Variants in HMGXB3 observed in about 807,000 individuals in gnomAD.
The protein encoded by HMGXB3 is HMG domain-containing protein 3.
Under a neutral mutation model 121.5 loss-of-function variants are expected in HMGXB3, and 45 were observed. The ratio of observed to expected loss-of-function variants is 0.37; its 90% CI spans 0.29 to 0.47. HMGXB3 has a LOEUF of 0.47. HMGXB3 is among the 20% of genes least tolerant of loss of function. The probability of loss-of-function intolerance (pLI) is 0.99; values close to 1 mark genes in which losing one functional copy is unlikely to be tolerated. For missense variants in HMGXB3, 1,376 were observed against 1,602.2 expected (o/e 0.86, Z 2.41); for synonymous variants, 590 against 624.1 (o/e 0.95, Z 0.81).
chr5:150,025,420 G>T (rs4705407), intron 7 of HMGXB3, among the ~76,000 whole-genome samples: 71,476 of 151,914 alleles, frequency 0.47, 20,072 homozygotes, highest in Non-Finnish European at 0.62. Context: ...TTTAACTTTG[G>T]CTGGCTTTTC....
intron 2 of HMGXB3, 107 bp downstream of exon 2, chr5:150,005,096 G>A (rs1755664966): frequency 5.7e-6 from 8 of 1,398,392 alleles, no homozygotes; most frequent in Middle Eastern, 2.6e-4. Flanking sequence ...TGTTATGATT[G>A]AAGTCCTGTG....
chr5:150,047,544 G>C (rs1460994046), intron 16 of HMGXB3, 80 bp from the exon 17 acceptor site: 13 of 1,516,390 alleles, frequency 8.6e-6, no homozygotes, highest in Non-Finnish European at 1.2e-5. Context: ...GGCTTCCACT[G>C]TTTGCTGTTT....
At chr5:150,048,449 G>A (rs534081303) in intron 17 of HMGXB3, 120 bp from the exon 18 acceptor site, 16 of 738,268 alleles carry the variant, frequency 2.2e-5, no homozygotes, top group East Asian at 2.7e-5. Context: ...TCCAAGGCCC[G>A]CTCTGACCCA....
chr5:150,027,804 C>T (rs373675816), intron 9 of HMGXB3, among the ~76,000 whole-genome samples: 8 of 152,202 alleles, frequency 5.3e-5, no homozygotes, highest in East Asian at 3.9e-4. Flanking sequence ...CCACCCACCT[C>T]GGCCTCCCAA....
intron 14 of HMGXB3, among the ~76,000 whole-genome samples, chr5:150,041,432 G>A (rs967662029): frequency 6.6e-6 from 1 of 152,204 alleles, no homozygotes; most frequent in African/African-American, 2.4e-5. Flanking sequence ...GTGTGATTTT[G>A]AGCAAGTTAT....
At chr5:150,006,205 A>T (rs1388885739) in intron 2 of HMGXB3, among the ~76,000 whole-genome samples, 1 of 152,206 alleles carries the variant, frequency 6.6e-6, no homozygotes, top group Non-Finnish European at 1.5e-5. Context: ...GCTATCAGTT[A>T]TAATCAGGAA....
chr5:150,006,775 C>T, intron 3 of HMGXB3, 128 bp downstream of exon 3: 1 of 785,676 alleles, frequency 1.3e-6, no homozygotes, highest in South Asian at 1.9e-5. Flanking sequence ...TCCTTCTTGA[C>T]TCTGGGCTTG....
Position 150,035,048 on chromosome 5 carries a change from C to T in HMGXB3, c.1984-1588C>T, listed in dbSNP as rs59927468. Among the ~76,000 whole-genome samples the T allele has an allele frequency of 4.6e-3, 697 of 152,304 alleles. 4 individuals are homozygous for T. Among genetic ancestry groups the T allele is most frequent in the African/African-American group, 0.016 (657 of 41,568 alleles). On this transcript the variant is annotated intron_variant, in intron 11 of 19. Transcript: ENST00000502717. ...GTGGCCCTTTCCCTTGAAGAGCTTA[C>T]AGTCTAGTGGGAGAGAAAGATAACC...
In HMGXB3 at chr5:150,003,608, A is replaced by T. The variant is rs571500030; in HGVS notation, c.-2-1243A>T. ...ATTATTTTTTAAATTATATAAAATT[A>T]AAAAAAAAACTTAATGAACTCTTCC... On this transcript the variant is annotated intron_variant, in intron 1 of 19. Coordinates refer to ENST00000502717, the MANE Select transcript of HMGXB3 (RefSeq NM_014983.3). Among the ~76,000 whole-genome samples the T allele has an allele frequency of 2.9e-3, 415 of 144,216 alleles. 2 individuals carry two copies. The highest frequency in any genetic ancestry group is 9.5e-3 in the African/African-American group (386 of 40,432). 94.6% of individuals were successfully genotyped at this position (144,216 alleles called of 152,430 possible).
rs1421957224 is a variant in HMGXB3 at position 150,024,293 on chromosome 5, C to T, written c.1073C>T (p.Ala358Val). The T allele has an allele frequency of 1.3e-6, 2 of 1,543,874 alleles. No individual in the cohort carries two copies. Among genetic ancestry groups the T allele is most frequent in the African/African-American group, 2.8e-5 (2 of 72,460 alleles). ...CCAGCCAAAGTAAAAGTGGAATTGG[C>T]TTCTGGCGTCTCTTCCAAAGGCTCT... Reference protein sequence around the residue: ...EKPAKVKVELASGVSSKGSVV... With the variant: ...EKPAKVKVELVSGVSSKGSVV... Residue 358 changes from alanine to valine, a missense_variant, in exon 7 of 20, where the codon GCT becomes GTT. Coordinates refer to ENST00000502717, the MANE Select transcript of HMGXB3 (RefSeq NM_014983.3).
chr5:150,040,028 C>T (rs80261177), intron 13 of HMGXB3, among the ~76,000 whole-genome samples: 4,593 of 152,228 alleles, frequency 0.03, 224 homozygotes, highest in African/African-American at 0.1. Flanking sequence ...CTTACACATT[C>T]ATGAGCTAAA....
chr5:150,008,954 A>G (rs1344800002), intron 3 of HMGXB3, among the ~76,000 whole-genome samples: 12 of 152,182 alleles, frequency 7.9e-5, no homozygotes, highest in Non-Finnish European at 1.8e-4. Context: ...TGCCTTAAGT[A>G]GTCTCATCGA....
rs748810731 is a variant in HMGXB3, at chr5:150,010,691, G to T, written c.810+83G>T. On this transcript the variant is annotated intron_variant, in intron 4 of 19. Coordinates refer to ENST00000502717, the MANE Select transcript of HMGXB3 (RefSeq NM_014983.3). ...TAGCACCATACAGTGTGATTCCAGA[G>T]CAGTGGTAATCAAGAGTACTGGTGT... is the stretch of plus-strand genomic sequence containing the variant. 6 of 1,338,964 alleles carry T rather than the reference G, an allele frequency of 4.5e-6. No individual in the cohort carries two copies. In the East Asian group the frequency reaches 1.5e-4, roughly 34 times the overall value. 82.9% of individuals were successfully genotyped at this position (1,338,964 alleles called of 1,614,324 possible).
At chr5:150,015,410 A>T (rs1326697312) in intron 5 of HMGXB3, among the ~76,000 whole-genome samples, 2 of 152,082 alleles carry the variant, frequency 1.3e-5, no homozygotes, top group East Asian at 3.8e-4. Context: ...CCAGTCTCTC[A>T]GGTAGCTGGG....
chr5:150,031,353 A>G (rs1203669204), intron 10 of HMGXB3, among the ~76,000 whole-genome samples: 5 of 152,258 alleles, frequency 3.3e-5, no homozygotes, highest in Admixed American at 3.3e-4. Flanking sequence ...CTAATGGACA[A>G]ATGTGTGACA....
chr5:150,028,794 C>T (rs1371034962), intron 9 of HMGXB3, among the ~76,000 whole-genome samples: 1 of 151,598 alleles, frequency 6.6e-6, no homozygotes, highest in Non-Finnish European at 1.5e-5. Context: ...TGATCTCAAA[C>T]TCCTGGCCTT....
chr5:150,040,928 G>A (rs191988018), intron 14 of HMGXB3, 49 bp downstream of exon 14: 33 of 1,453,576 alleles, frequency 2.3e-5, no homozygotes, highest in Admixed American at 5.7e-5. Flanking sequence ...AAGCTCCCTC[G>A]GAATTTTCAG....
chr5:150,027,156 C>A, intron 9 of HMGXB3, 39 bp downstream of exon 9: 1 of 1,494,984 alleles, frequency 6.7e-7, no homozygotes, highest in Non-Finnish European at 9.1e-7. Context: ...GTTTGAGGGT[C>A]TGGCTGCTTC....
intron 18 of HMGXB3, 52 bp downstream of exon 18, chr5:150,048,737 C>T (rs1202886918): frequency 7.8e-7 from 1 of 1,276,502 alleles, no homozygotes; most frequent in African/African-American, 1.5e-5. Flanking sequence ...TGTTGAACTT[C>T]CCATACAGGG....
Sources: gnomAD v4.1 joint callset for allele counts (sites outside exome capture counted in the v4.1 genomes callset) on GRCh38, gnomAD v4.1.1 for gene constraint, MANE v1.5 for transcripts, NCBI Gene and HGNC (gene_info 2026-07-23, HGNC 2026-07-21) for gene names.